Variants in PPL observed in about 807,000 individuals in gnomAD.
PPL encodes periplakin.
In PPL, 198 loss-of-function variants were observed where a neutral mutation model predicts 194.4. The ratio of observed to expected loss-of-function variants is 1.02; its 90% confidence interval spans 0.91 to 1.15. The LOEUF (loss-of-function observed/expected upper bound fraction) is 1.15. Among genes scored for constraint, PPL ranks in the 50% most tolerant of loss-of-function variants. The pLI is 0.00. For synonymous variants in PPL, 1,220 were observed against 972.4 expected, an observed-to-expected ratio of 1.25 and a Z score of -4.74; for missense variants, 2,885 against 2,294.8, an observed-to-expected ratio of 1.26 and a Z score of -5.25.
chr16:4,890,943 C>CTCACAGGCCATGGCCT (rs1225689759), intron 16 of PPL, 22 bp from the exon 17 acceptor site: 2 of 1,495,172 alleles, frequency 1.3e-6, no homozygotes, highest in Admixed American at 4.7e-5. Context: ...GAGGAGGAGA[C>CTCACAGGCCATGGCCT]GGCGGTGCTA....
Position 4,892,998 on chromosome 16 carries a change from A to G in PPL, c.1650+215T>C. 5.4e-6 allele frequency: 3 copies of G among 557,226 alleles called. No individual in the cohort carries two copies. The East Asian group carries it at 9.4e-5, about 18-fold the overall frequency. The allele number at this position is 557,226 out of a possible 1,614,324, so 34.5% of individuals were successfully genotyped here. A position where few individuals can be genotyped will look rare whatever the true frequency, so the allele number is the denominator to read the frequency against. ...TCAGATCGACAAGCCGTGCAGGAAC[A>G]ATGCAAGTCCTGCCAGCTCTTTCTC... On this transcript the variant is annotated intron_variant, in intron 14 of 21. Transcript: ENST00000345988.
Position 4,900,996 on chromosome 16 carries a change from T to C in PPL, c.532A>G (p.Ile178Val). ...CCGTCCTTGGCCAGGTGGGGCCCGA[T>C]GGCCTTGACCTCATTGTGGAAGATG... ...HNIFHNEVKA[I>V]GPHLAKDGDK... Residue 178 changes from isoleucine (I) to valine (V), a missense_variant, in exon 5 of 22, where the codon ATC (isoleucine) becomes GTC (valine). Ile to Val is a conservative substitution (Grantham distance 29). Coordinates refer to ENST00000345988, the MANE Select transcript of PPL (RefSeq NM_002705.5). The C allele has an allele frequency of 1.2e-6, 2 of 1,614,176 alleles. No homozygotes were observed. The highest frequency in any genetic ancestry group is 1.7e-6 in the Non-Finnish European group (2 of 1,180,028).
At chr16:4,913,582 G>A (rs1568037904) in intron 1 of PPL, among the ~76,000 whole-genome samples, 1 of 152,210 alleles carries the variant, frequency 6.6e-6, no homozygotes. Context: ...TGTCACCCAG[G>A]CTGGAAGTGC....
chr16:4,923,678 G>C (rs1415582000), intron 1 of PPL, among the ~76,000 whole-genome samples: 1 of 152,090 alleles, frequency 6.6e-6, no homozygotes, highest in African/African-American at 2.4e-5. Flanking sequence ...ACCCAGGTGT[G>C]GGCTCGGGCA....
chr16:4,891,416 G>A (rs543798172), intron 16 of PPL: 1 of 165,432 alleles, frequency 6.0e-6, no homozygotes, highest in South Asian at 2.1e-4. Flanking sequence ...CTGGGAACAT[G>A]GATTGTTATG....
At chr16:4,901,311 G>T (rs1437890197) in intron 4 of PPL, among the ~76,000 whole-genome samples, 1 of 152,170 alleles carries the variant, frequency 6.6e-6, no homozygotes, top group African/African-American at 2.4e-5. Flanking sequence ...GGGTCCACAT[G>T]GTTACTGTCC....
intron 2 of PPL, 110 bp from the exon 3 acceptor site, chr16:4,904,150 T>A: frequency 8.6e-7 from 1 of 1,162,662 alleles, no homozygotes; most frequent in Non-Finnish European, 1.2e-6. Flanking sequence ...TTCTTTCCCT[T>A]TGAATAACGT....
chr16:4,899,475 C>CTGGCCTGGGGACAAGCCCAGCTATGGG, intron 6 of PPL, 91 bp from the exon 7 acceptor site: 2 of 709,084 alleles, frequency 2.8e-6, no homozygotes, highest in Non-Finnish European at 4.6e-6. Flanking sequence ...CCAGCTATGG[C>CTGGCCTGGGGACAAGCCCAGCTATGGG]TGGCCTGAGG....
intron 1 of PPL, among the ~76,000 whole-genome samples, chr16:4,917,551 G>C (rs923768985): frequency 1.3e-5 from 2 of 152,116 alleles, no homozygotes; most frequent in African/African-American, 2.4e-5. Flanking sequence ...TTTTTGGGGT[G>C]ATAAAAATGT....
chr16:4,920,335 G>GAA (rs200882146), intron 1 of PPL, among the ~76,000 whole-genome samples: 10,193 of 57,438 alleles, frequency 0.18, 2,535 homozygotes, highest in East Asian at 0.78. Context: ...AAGAAAGAAA[G>GAA]AGAGAGAGAG....
intron 16 of PPL, 99 bp downstream of exon 16, chr16:4,891,712 G>T: frequency 6.9e-7 from 1 of 1,439,388 alleles, no homozygotes; most frequent in Non-Finnish European, 9.3e-7. Flanking sequence ...TGGGGAGACT[G>T]GATGCTGGTG....
rs188868156 is a variant in PPL, at chr16:4,913,240, A to G, written c.63-2291T>C. 4.4e-3 allele frequency among the ~76,000 whole-genome samples: 673 copies of G among 152,248 alleles called. 2 individuals are homozygous for G. Among genetic ancestry groups the G allele is most frequent in the Non-Finnish European group, 6.7e-3 (453 of 68,020 alleles). The stretch of plus-strand genomic sequence containing the variant: ...AACCACAGACAGACCACTCTGGAAA[A>G]TGCTCTAATGGGAGTTAGTTAAGAC... On this transcript the variant is annotated intron_variant, in intron 1 of 21. Coordinates refer to ENST00000345988, the MANE Select transcript of PPL (RefSeq NM_002705.5).
intron 1 of PPL, among the ~76,000 whole-genome samples, chr16:4,917,759 G>A (rs143566188): frequency 6.6e-6 from 1 of 152,086 alleles, no homozygotes; most frequent in African/African-American, 2.4e-5. Flanking sequence ...AAAATTAGCT[G>A]GGCATGGTGA....
At chr16:4,890,960 G>C (rs1429497423) in intron 16 of PPL, 39 bp from the exon 17 acceptor site, 1 of 1,468,410 alleles carries the variant, frequency 6.8e-7, no homozygotes, top group East Asian at 2.5e-5. Flanking sequence ...GCTACGGCCA[G>C]AGCTCCCAGA....
In PPL at chr16:4,885,221, C is replaced by T. The variant is rs74787749; in HGVS notation, c.3434G>A (p.Arg1145His). 136 of 1,613,968 alleles carry T rather than the reference C, an allele frequency of 8.4e-5. No individual in the cohort carries two copies. In the South Asian group the frequency reaches 1.0e-3, roughly 12 times the overall value. ...CTCCGTCTTCTCCCTCTGGCTAGCGCGAGCCTTGGCAGCCTCGTCCTCATA... is the reference window on the plus strand; with the variant it reads ...CTCCGTCTTCTCCCTCTGGCTAGCGTGAGCCTTGGCAGCCTCGTCCTCATA... Reference protein sequence around the residue: ...RQYEDEAAKARASQREKTELL... With the variant: ...RQYEDEAAKAHASQREKTELL... Residue 1145 changes from arginine to histidine, a missense_variant, in exon 22 of 22, where the codon CGC (arginine) becomes CAC (histidine). Transcript: ENST00000345988. This position sits in a 1 kb window ranked among gnomAD's most constrained non-coding sequence, Gnocchi z 6.3.
At chr16:4,908,142 A>G (rs1440198242) in intron 2 of PPL, among the ~76,000 whole-genome samples, 1 of 148,390 alleles carries the variant, frequency 6.7e-6, no homozygotes, top group Non-Finnish European at 1.5e-5. Context: ...AGCCTGGACA[A>G]CAGAGTGAGA....
intron 1 of PPL, among the ~76,000 whole-genome samples, chr16:4,925,768 G>C (rs752101588): frequency 6.6e-6 from 1 of 152,002 alleles, no homozygotes; most frequent in Non-Finnish European, 1.5e-5. Context: ...CCATGAAGAC[G>C]GGCTTCAAAA....
chr16:4,890,908 TC>T lies in PPL; in HGVS notation c.1981del (p.Glu661SerfsTer86). The T allele has an allele frequency of 6.5e-7, 1 of 1,527,752 alleles. No individual in the cohort carries two copies. 94.6% of individuals were successfully genotyped at this position (1,527,752 alleles called of 1,614,324 possible). ...KGQELAAMAC[E>X]LQAQKSLLGE... The stretch of plus-strand genomic sequence containing the variant: ...CAGGAGGGACTTCTGGGCCTGTAAC[TC>T]ACAGGCCATGGCCTGGCGGGGCAGA... On this transcript the variant is annotated frameshift_variant, in exon 17 of 22. Transcript: ENST00000345988. LOFTEE classifies it high-confidence loss of function.
intron 2 of PPL, among the ~76,000 whole-genome samples, chr16:4,905,272 A>G (rs2088659543): frequency 6.6e-6 from 1 of 152,238 alleles, no homozygotes; most frequent in Non-Finnish European, 1.5e-5. Flanking sequence ...AAAGAGCAGG[A>G]ACTACGGACC....
Sources: gnomAD v4.1 joint callset for allele counts (sites outside exome capture counted in the v4.1 genomes callset) on GRCh38, gnomAD v4.1.1 for gene constraint, Gnocchi (gnomAD v3.1) non-coding constraint, MANE v1.5 for transcripts, NCBI Gene and HGNC (gene_info 2026-07-23, HGNC 2026-07-21) for gene names.